Variants in KATNAL1 observed in about 807,000 individuals in gnomAD.
The protein encoded by KATNAL1 is katanin p60 ATPase-containing subunit A-like 1.
In KATNAL1, 32 loss-of-function variants were observed where a neutral mutation model predicts 55.2. That is an observed-to-expected ratio of 0.58 (90% CI 0.44 to 0.78). The LOEUF is 0.78. Ranked by LOEUF, KATNAL1 falls within the 30% of genes least tolerant of loss-of-function variation. The pLI, the probability that KATNAL1 is intolerant of heterozygous loss-of-function variation, is 0.00. For missense variants in KATNAL1, 466 were observed against 600.9 expected (o/e 0.78, Z 2.35); for synonymous variants, 193 against 193.6 (o/e 1.00, Z 0.02).
chr13:30,287,214 G>A (rs1191108747), intron 1 of KATNAL1, among the ~76,000 whole-genome samples: 1 of 152,190 alleles, frequency 6.6e-6, no homozygotes, highest in East Asian at 1.9e-4. Flanking sequence ...AGGATGATAT[G>A]GTTTGGCTCT....
At chr13:30,273,586 T>A (rs1279929778) in intron 3 of KATNAL1, among the ~76,000 whole-genome samples, 1 of 152,256 alleles carries the variant, frequency 6.6e-6, no homozygotes, top group African/African-American at 2.4e-5. Context: ...GTTATTAGTG[T>A]GCTTAATCAG....
chr13:30,283,876 A>AC, intron 1 of KATNAL1, 85 bp from the exon 2 acceptor site: 5 of 887,334 alleles, frequency 5.6e-6, no homozygotes, highest in South Asian at 2.3e-5. Context: ...GTTTAAAACT[A>AC]CTTTTTTTTT....
chr13:30,288,628 AAATACT>A (rs1246391942), intron 1 of KATNAL1, among the ~76,000 whole-genome samples: 2 of 152,234 alleles, frequency 1.3e-5, no homozygotes, highest in Non-Finnish European at 2.9e-5. Context: ...ATTCATTAAG[AAATACT>A]ATTGAGTCTG....
chr13:30,209,798 T>C (rs1018222552), intron 10 of KATNAL1, among the ~76,000 whole-genome samples: 4 of 152,228 alleles, frequency 2.6e-5, no homozygotes, highest in Non-Finnish European at 5.9e-5. Context: ...TTTTTCTTTT[T>C]TGAGACAGAG....
At chr13:30,300,821 G>A (rs1882806941) in intron 1 of KATNAL1, among the ~76,000 whole-genome samples, 2 of 152,106 alleles carry the variant, frequency 1.3e-5, no homozygotes, top group Admixed American at 6.5e-5. Flanking sequence ...AATGTATGTA[G>A]TAATTAAGGC....
chr13:30,245,872 G>A (rs568757085), intron 4 of KATNAL1, among the ~76,000 whole-genome samples: 3 of 152,112 alleles, frequency 2.0e-5, no homozygotes, highest in South Asian at 2.1e-4. Flanking sequence ...GGAGAACTAC[G>A]AGCCACTACT....
intron 9 of KATNAL1, among the ~76,000 whole-genome samples, chr13:30,220,982 A>G (rs1489060962): frequency 6.6e-6 from 1 of 152,224 alleles, no homozygotes; most frequent in East Asian, 1.9e-4. Flanking sequence ...TACAGGCGTG[A>G]GCAACAACAC....
chr13:30,297,149 A>AG (rs1004821255), intron 1 of KATNAL1, among the ~76,000 whole-genome samples: 3 of 151,772 alleles, frequency 2.0e-5, no homozygotes, highest in African/African-American at 4.8e-5. Flanking sequence ...CCTCTAAAAA[A>AG]AAAAAAAAAG....
At chr13:30,251,009 C>T (rs182443905) in intron 4 of KATNAL1, among the ~76,000 whole-genome samples, 3,247 of 151,810 alleles carry the variant, frequency 0.021, 46 homozygotes, top group Non-Finnish European at 0.033. Flanking sequence ...GTGGTGGCGG[C>T]CGCCTGTAGT....
chr13:30,287,264 CAT>C (rs893329815), intron 1 of KATNAL1, among the ~76,000 whole-genome samples: 3 of 152,190 alleles, frequency 2.0e-5, no homozygotes, highest in African/African-American at 4.8e-5. Flanking sequence ...GTAATAATCA[CAT>C]GTCAAGGGCA....
chr13:30,232,823 T>A (rs139791860), intron 6 of KATNAL1, among the ~76,000 whole-genome samples: 295 of 152,266 alleles, frequency 1.9e-3, no homozygotes, highest in Non-Finnish European at 3.7e-3. Flanking sequence ...TACTTTAATC[T>A]GCCACATTAC....
intron 1 of KATNAL1, among the ~76,000 whole-genome samples, chr13:30,298,457 T>C (rs1281690855): frequency 1.3e-5 from 2 of 152,168 alleles, no homozygotes; most frequent in African/African-American, 4.8e-5. Context: ...GTACAGGACA[T>C]ATCATTTACC....
chr13:30,264,659 A>G (rs947033601), intron 3 of KATNAL1, among the ~76,000 whole-genome samples: 2 of 137,844 alleles, frequency 1.5e-5, no homozygotes, highest in Admixed American at 1.6e-4. Flanking sequence ...AACGCAAATC[A>G]AAACCACAAT....
chr13:30,281,356 G>A (rs888844803), intron 2 of KATNAL1, among the ~76,000 whole-genome samples: 1 of 152,006 alleles, frequency 6.6e-6, no homozygotes, highest in Non-Finnish European at 1.5e-5. Context: ...TGCTATAGTG[G>A]AAGAAATGTA....
intron 1 of KATNAL1, 137 bp from the exon 2 acceptor site, chr13:30,283,928 T>A: frequency 1.6e-6 from 1 of 613,406 alleles, no homozygotes; most frequent in Non-Finnish European, 2.7e-6. Context: ...CAGATTGGAG[T>A]GCAGCAGCAT....
At chr13:30,267,750 G>C (rs995110043) in intron 3 of KATNAL1, among the ~76,000 whole-genome samples, 6 of 152,142 alleles carry the variant, frequency 3.9e-5, no homozygotes, top group East Asian at 1.9e-4. Flanking sequence ...TTACCATAAG[G>C]TAAGTGAAAT....
intron 1 of KATNAL1, among the ~76,000 whole-genome samples, chr13:30,302,102 T>C (rs1281281064): frequency 6.6e-6 from 1 of 152,200 alleles, no homozygotes; most frequent in East Asian, 1.9e-4. Flanking sequence ...CTCAAACTCC[T>C]GGACTCAAGC....
chr13:30,286,314 G>T (rs1881784029), intron 1 of KATNAL1, among the ~76,000 whole-genome samples: 1 of 152,218 alleles, frequency 6.6e-6, no homozygotes, highest in Non-Finnish European at 1.5e-5. Flanking sequence ...GGGTTTCCTG[G>T]GCTGGGTCCA....
At chr13:30,263,046 G>A (rs2137482412) in intron 3 of KATNAL1, among the ~76,000 whole-genome samples, 1 of 152,274 alleles carries the variant, frequency 6.6e-6, no homozygotes, top group East Asian at 1.9e-4. Flanking sequence ...TCATCCCTGG[G>A]ATGCAAGGCT....
Sources: gnomAD v4.1 joint callset for allele counts (sites outside exome capture counted in the v4.1 genomes callset) on GRCh38, gnomAD v4.1.1 for gene constraint, MANE v1.5 for transcripts, NCBI Gene and HGNC (gene_info 2026-07-23, HGNC 2026-07-21) for gene names.